Variants in MATN2 observed in about 807,000 individuals in gnomAD.
The protein encoded by MATN2 is matrilin-2.
A neutral mutation model predicts 103.2 loss-of-function variants in MATN2; 69 were observed. The observed-to-expected ratio is 0.67, with a 90% CI of 0.55 to 0.82. The LOEUF is 0.82. Ranked by LOEUF, MATN2 falls within the 40% of genes least tolerant of loss-of-function variation. The probability of loss-of-function intolerance (pLI) is 0.00; values close to 1 mark genes in which losing one functional copy is unlikely to be tolerated. For synonymous variants in MATN2, 429 were observed against 450.2 expected, an observed-to-expected ratio of 0.95 and a Z score of 0.60; for missense variants, 1,023 against 1,211.5, an observed-to-expected ratio of 0.84 and a Z score of 2.31.
intron 2 of MATN2, among the ~76,000 whole-genome samples, chr8:97,927,180 G>A (rs1262052544): frequency 1.3e-5 from 2 of 152,092 alleles, no homozygotes; most frequent in African/African-American, 4.8e-5. Context: ...TTCCACTCTT[G>A]TTGCCCAGGC....
chr8:97,887,897 G>C, intron 1 of MATN2, 178 bp from the exon 2 acceptor site: 1 of 541,420 alleles, frequency 1.8e-6, no homozygotes, highest in Non-Finnish European at 3.2e-6. Context: ...GAGCGTCCAA[G>C]AAGAGCCTAC....
At chr8:97,898,615 ATAG>A (rs1175518319) in intron 2 of MATN2, among the ~76,000 whole-genome samples, 3 of 151,638 alleles carry the variant, frequency 2.0e-5, no homozygotes, top group African/African-American at 7.3e-5. Context: ...AAAAAAAAAA[ATAG>A]TAGTGATGAC....
intron 2 of MATN2, among the ~76,000 whole-genome samples, chr8:97,928,120 T>C (rs966472501): frequency 2.6e-5 from 4 of 151,766 alleles, no homozygotes; most frequent in African/African-American, 9.7e-5. Context: ...CCCCTTGTCC[T>C]CCTTCCTGGG....
intron 10 of MATN2, among the ~76,000 whole-genome samples, chr8:98,008,437 T>C (rs1020757823): frequency 1.3e-5 from 2 of 152,212 alleles, no homozygotes; most frequent in Non-Finnish European, 1.5e-5. Context: ...TAGGGCCAAG[T>C]TCCCTGACCA....
chr8:98,034,294 A>T (rs1814156174), intron 18 of MATN2: 1 of 419,502 alleles, frequency 2.4e-6, no homozygotes, highest in Non-Finnish European at 4.8e-6. Context: ...TAAAGAAAAG[A>T]GGATTCGGTG....
intron 4 of MATN2, among the ~76,000 whole-genome samples, chr8:97,955,155 G>A (rs995759487): frequency 6.6e-6 from 1 of 150,980 alleles, no homozygotes; most frequent in Non-Finnish European, 1.5e-5. Context: ...GTGAAGGGGT[G>A]GGTCTTGTAG....
At chr8:97,985,290 C>T (rs984019768) in intron 6 of MATN2, among the ~76,000 whole-genome samples, 2 of 152,138 alleles carry the variant, frequency 1.3e-5, no homozygotes, top group South Asian at 2.1e-4. Flanking sequence ...ACAGAGCAAA[C>T]GTACTCATTA....
At chr8:97,921,786 A>G (rs1347846914) in intron 2 of MATN2, among the ~76,000 whole-genome samples, 5 of 152,126 alleles carry the variant, frequency 3.3e-5, no homozygotes, top group Admixed American at 6.5e-5. Flanking sequence ...CTCTCAGTCC[A>G]TCTGTCTCTC....
At chr8:97,949,114 T>G (rs149162119) in intron 4 of MATN2, among the ~76,000 whole-genome samples, 1 of 150,778 alleles carries the variant, frequency 6.6e-6, no homozygotes, top group Non-Finnish European at 1.5e-5. Flanking sequence ...AAGAAGCACA[T>G]GAAGAGATGC....
chr8:97,940,523 T>A (rs1288950334), intron 3 of MATN2, among the ~76,000 whole-genome samples: 2 of 124,386 alleles, frequency 1.6e-5, no homozygotes, highest in East Asian at 4.6e-4. Context: ...GTTCATTTAT[T>A]GCCCACCATA....
intron 6 of MATN2, among the ~76,000 whole-genome samples, chr8:97,983,306 C>T (rs182462937): frequency 6.6e-6 from 1 of 152,136 alleles, no homozygotes; most frequent in Admixed American, 6.6e-5. Flanking sequence ...GCTCCTTCCA[C>T]CTTTTGCCTA....
intron 2 of MATN2, among the ~76,000 whole-genome samples, chr8:97,920,170 C>T (rs1391104263): frequency 6.6e-6 from 1 of 152,136 alleles, no homozygotes; most frequent in Non-Finnish European, 1.5e-5. Flanking sequence ...GATGGAATAG[C>T]TCCCCAAGAC....
At chr8:97,947,012 C>G (rs975063161) in intron 4 of MATN2, among the ~76,000 whole-genome samples, 1 of 152,164 alleles carries the variant, frequency 6.6e-6, no homozygotes, top group Non-Finnish European at 1.5e-5. Flanking sequence ...AACAATACAT[C>G]AAGACCAAAT....
intron 10 of MATN2, among the ~76,000 whole-genome samples, chr8:98,012,869 C>T (rs7010226): frequency 0.093 from 14,210 of 152,182 alleles, 938 homozygotes; most frequent in Admixed American, 0.19. Flanking sequence ...TCCCCTCTGA[C>T]CATCAGTTTT....
In MATN2 at chr8:98,021,312, G is replaced by A. The variant is rs770685015; in HGVS notation, c.1927G>A (p.Gly643Arg). Residue 643 changes from glycine to arginine, a missense_variant, in exon 13 of 19, where the codon GGA becomes AGA. Physicochemically the swap from Gly to Arg is moderately radical, Grantham distance 125. Transcript: ENST00000254898. ...CSEGFVLAED[G>R]RRCKKCTEGP... ...AGAGGGATTTGTTCTAGCTGAGGAC[G>A]GAAGACGGTGCAAGAGTAAGTGATC... 13 of 1,613,130 alleles carry A rather than the reference G, an allele frequency of 8.1e-6. No homozygotes were observed. Among genetic ancestry groups the A allele is most frequent in the East Asian group, 4.5e-5 (2 of 44,862 alleles).
At position 97,961,451 on chromosome 8, in the gene MATN2, C is replaced by A. The variant is rs1412193454; in HGVS notation, c.879C>A (p.Leu293=). ...CAMEDHNCEQ[L]CVNVPGSFVC... is the part of the protein sequence containing the mutation. ...TGGAGGACCACAACTGTGAGCAGCTCTGTGTGAATGTGCCGGGCTCCTTCG... is the reference window on the plus strand; with the variant it reads ...TGGAGGACCACAACTGTGAGCAGCTATGTGTGAATGTGCCGGGCTCCTTCG... Residue 293 remains leucine (L), a synonymous_variant, in exon 5 of 19, where the codon CTC becomes CTA. Transcript: ENST00000254898. The A allele has an allele frequency of 1.2e-6, 2 of 1,613,842 alleles. No homozygotes were observed. The highest frequency in any genetic ancestry group is 1.1e-5 in the South Asian group (1 of 91,048).
chr8:97,993,522 A>T (rs2130352992), intron 6 of MATN2, among the ~76,000 whole-genome samples: 1 of 152,356 alleles, frequency 6.6e-6, no homozygotes, highest in South Asian at 2.1e-4. Flanking sequence ...ACAAAAAAAT[A>T]AAAATACACA....
In MATN2 at chr8:98,003,705, T is replaced by C. The variant is rs1812862039; in HGVS notation, c.1249T>C (p.Cys417Arg). 6.2e-7 allele frequency: 1 copy of C among 1,613,626 alleles called. No homozygotes were observed. ...GAACAAACCGGGCTGTGAGCATGAG[T>C]GCGTCAACATGGAGGAGAGCTACTA... The part of the protein sequence containing the change: ...ALNKPGCEHE[C>R]VNMEESYYCR... The change falls in exon 8 of 19, where the codon TGC (cysteine) becomes CGC (arginine). Residue 417 changes from cysteine to arginine, a missense_variant. By Grantham distance (180) the Cys-to-Arg change is radical. Transcript: ENST00000254898.
At chr8:97,902,783 G>C (rs1031809419) in intron 2 of MATN2, among the ~76,000 whole-genome samples, 6 of 152,150 alleles carry the variant, frequency 3.9e-5, no homozygotes, top group African/African-American at 1.4e-4. Flanking sequence ...AGAAGTGCCA[G>C]GGCCAGGGCA....
Sources: allele counts gnomAD v4.1 joint callset (sites outside exome capture counted in the v4.1 genomes callset), GRCh38; gene constraint gnomAD v4.1.1; transcripts MANE v1.5; gene names NCBI Gene and HGNC (gene_info 2026-07-23, HGNC 2026-07-21).